The following SLC35F4 variants were observed in gnomAD, a reference collection of about 807,000 sequenced individuals.
SLC35F4 encodes the protein solute carrier family 35 member F4, also known as chromosome 14 open reading frame 36.
Under a neutral mutation model 44.2 loss-of-function variants are expected in SLC35F4, and 24 were observed. The ratio of observed to expected loss-of-function variants is 0.54; its 90% CI spans 0.39 to 0.76. SLC35F4 has a LOEUF of 0.76. Among genes scored for constraint, SLC35F4 ranks in the 30% least tolerant of loss-of-function variants. SLC35F4 has a pLI of 0.00. For synonymous variants in SLC35F4, 238 were observed against 223.6 expected (o/e 1.06, Z -0.57); for missense variants, 562 against 586.1 (o/e 0.96, Z 0.42).
intron 1 of SLC35F4, among the ~76,000 whole-genome samples, chr14:57,736,327 C>A (rs937268702): frequency 1.3e-5 from 2 of 152,194 alleles, no homozygotes; most frequent in Non-Finnish European, 2.9e-5. Flanking sequence ...GTTTTCTCCC[C>A]TCCACAGTAA....
At chr14:57,856,349 G>A (rs1887088445) in intron 1 of SLC35F4, among the ~76,000 whole-genome samples, 1 of 152,004 alleles carries the variant, frequency 6.6e-6, no homozygotes, top group African/African-American at 2.4e-5. Flanking sequence ...TAGCATAGCA[G>A]GAGTATAGAC....
intron 1 of SLC35F4, among the ~76,000 whole-genome samples, chr14:57,611,831 G>GGAGA (rs1277768287): frequency 2.0e-5 from 3 of 152,090 alleles, no homozygotes; most frequent in African/African-American, 7.2e-5. Flanking sequence ...AAGATACATG[G>GGAGA]GAGAGTTCCA....
intron 1 of SLC35F4, among the ~76,000 whole-genome samples, chr14:57,604,765 A>G (rs1328168611): frequency 6.6e-6 from 1 of 152,218 alleles, no homozygotes; most frequent in Non-Finnish European, 1.5e-5. Flanking sequence ...AGACATATAG[A>G]CCAATGGAAC....
At chr14:57,637,856 C>G (rs919748617) in intron 1 of SLC35F4, among the ~76,000 whole-genome samples, 3 of 152,034 alleles carry the variant, frequency 2.0e-5, no homozygotes, top group Non-Finnish European at 2.9e-5. Context: ...ACATTAAAAA[C>G]TGAGTCTTGG....
chr14:57,833,256 C>T (rs1410493486), intron 1 of SLC35F4, among the ~76,000 whole-genome samples: 1 of 152,194 alleles, frequency 6.6e-6, no homozygotes, highest in African/African-American at 2.4e-5. Context: ...ATTACCTTAA[C>T]CCTATCCCTA....
chr14:57,849,897 C>A (rs74053369), intron 1 of SLC35F4, among the ~76,000 whole-genome samples: 2,059 of 152,204 alleles, frequency 0.014, 43 homozygotes, highest in African/African-American at 0.047. Context: ...ACACACACAC[C>A]CCTGAGGAAA....
At chr14:57,841,952 C>T (rs1230179217) in intron 1 of SLC35F4, among the ~76,000 whole-genome samples, 1 of 152,172 alleles carries the variant, frequency 6.6e-6, no homozygotes, top group Non-Finnish European at 1.5e-5. Flanking sequence ...GAAGTTATCA[C>T]TGTGTCACAT....
At chr14:57,820,677 C>T (rs1481387950) in intron 1 of SLC35F4, among the ~76,000 whole-genome samples, 1 of 152,162 alleles carries the variant, frequency 6.6e-6, no homozygotes, top group Non-Finnish European at 1.5e-5. Flanking sequence ...GACAAAACTT[C>T]CTTTTTGGTA....
At chr14:57,589,141 C>T in intron 3 of SLC35F4, 75 bp downstream of exon 3, 1 of 1,481,168 alleles carries the variant, frequency 6.8e-7, no homozygotes, top group Non-Finnish European at 9.1e-7. Context: ...ACTCATATTC[C>T]CAAGAGATAA....
At chr14:57,905,978 T>C (rs1162027131) in intron 1 of SLC35F4, among the ~76,000 whole-genome samples, 1 of 151,936 alleles carries the variant, frequency 6.6e-6, no homozygotes, top group Non-Finnish European at 1.5e-5. Context: ...AGAAGGAGGC[T>C]TGTACCCAGG....
At chr14:57,945,951 C>A (rs891662452) in intron 1 of SLC35F4, among the ~76,000 whole-genome samples, 3 of 151,820 alleles carry the variant, frequency 2.0e-5, no homozygotes. Flanking sequence ...ATGTCCTTTC[C>A]CTACTTTTTG....
chr14:57,948,553 G>A (rs1890076513), intron 1 of SLC35F4, among the ~76,000 whole-genome samples: 1 of 151,728 alleles, frequency 6.6e-6, no homozygotes, highest in South Asian at 2.1e-4. Context: ...TCTAATCTTT[G>A]TTATTTCTTT....
chr14:57,709,150 T>G (rs551956673), intron 1 of SLC35F4, among the ~76,000 whole-genome samples: 1 of 151,570 alleles, frequency 6.6e-6, no homozygotes, highest in South Asian at 2.1e-4. Context: ...AGGAGTAGAG[T>G]CTTCTCTAGA....
chr14:57,783,765 G>A (rs1022101774), intron 1 of SLC35F4, among the ~76,000 whole-genome samples: 3 of 152,102 alleles, frequency 2.0e-5, no homozygotes, highest in Admixed American at 2.0e-4. Context: ...AAAAATCAAA[G>A]ATTGTTGTCT....
intron 1 of SLC35F4, among the ~76,000 whole-genome samples, chr14:57,926,726 G>T (rs1189261845): frequency 2.1e-4 from 2 of 9,324 alleles, no homozygotes; most frequent in African/African-American, 1.1e-3. Context: ...AAGTAGGGTT[G>T]GGGGGGGGGG....
intron 1 of SLC35F4, among the ~76,000 whole-genome samples, chr14:57,760,636 G>A (rs1422630422): frequency 2.0e-5 from 3 of 151,810 alleles, no homozygotes; most frequent in East Asian, 3.9e-4. Flanking sequence ...TCCTTATTTG[G>A]GTCTTGCTTT....
intron 1 of SLC35F4, among the ~76,000 whole-genome samples, chr14:57,934,135 T>C (rs1247794084): frequency 6.6e-6 from 1 of 151,984 alleles, no homozygotes; most frequent in Non-Finnish European, 1.5e-5. Flanking sequence ...TTAAAATTAC[T>C]TCTTTTATAA....
chr14:57,683,830 G>A (rs552100800), intron 1 of SLC35F4, among the ~76,000 whole-genome samples: 16 of 152,226 alleles, frequency 1.1e-4, no homozygotes, highest in Admixed American at 9.8e-4. Flanking sequence ...GGCTGCCTCT[G>A]ATCTCTCTTC....
chr14:57,910,218 C>A (rs1326601636), intron 1 of SLC35F4, among the ~76,000 whole-genome samples: 1 of 151,892 alleles, frequency 6.6e-6, no homozygotes, highest in African/African-American at 2.4e-5. Context: ...TCGGATGTGT[C>A]TTTTGCAATA....
Sources: allele counts gnomAD v4.1 joint callset (sites outside exome capture counted in the v4.1 genomes callset), GRCh38; gene constraint gnomAD v4.1.1; transcripts MANE v1.5; gene names NCBI Gene and HGNC (gene_info 2026-07-23, HGNC 2026-07-21).